The following LDLRAD3 variants were observed in gnomAD, a reference collection of about 807,000 sequenced individuals.
The protein encoded by LDLRAD3 is low density lipoprotein receptor class A domain containing 3, also known as low-density lipoprotein receptor class A domain-containing protein 3.
Under a neutral mutation model 29.4 loss-of-function variants are expected in LDLRAD3, and 20 were observed. That is an observed-to-expected ratio of 0.68 (90% CI 0.48 to 0.99). The LOEUF is 0.99. LDLRAD3 is among the 50% of genes least tolerant of loss of function. LDLRAD3 has a pLI of 0.00. For synonymous variants in LDLRAD3, 157 were observed against 192.7 expected, an observed-to-expected ratio of 0.81 and a Z score of 1.53; for missense variants, 420 against 454.3, an observed-to-expected ratio of 0.92 and a Z score of 0.69.
intron 1 of LDLRAD3, among the ~76,000 whole-genome samples, chr11:35,998,257 T>A (rs1851779903): frequency 6.6e-6 from 1 of 152,246 alleles, no homozygotes; most frequent in Non-Finnish European, 1.5e-5. Context: ...TTTTTTGTTC[T>A]TGTTGTCTGT....
chr11:35,995,499 C>T (rs1851743017), intron 1 of LDLRAD3, among the ~76,000 whole-genome samples: 1 of 152,280 alleles, frequency 6.6e-6, no homozygotes, highest in South Asian at 2.1e-4. Flanking sequence ...TTAAAGGCTC[C>T]AGGATTTTCA....
intron 1 of LDLRAD3, among the ~76,000 whole-genome samples, chr11:35,998,349 C>T (rs1885669): frequency 0.53 from 80,583 of 151,976 alleles, 24,645 homozygotes; most frequent in African/African-American, 0.85. Flanking sequence ...TCCTAGTGGC[C>T]AATGAACATT....
intron 1 of LDLRAD3, among the ~76,000 whole-genome samples, chr11:36,032,445 T>TA (rs1475391665): frequency 6.6e-5 from 10 of 152,186 alleles, no homozygotes; most frequent in Non-Finnish European, 1.0e-4. Context: ...CAGTGCATTT[T>TA]AAAATCTCAC....
chr11:36,027,258 A>G (rs897161045), intron 1 of LDLRAD3, among the ~76,000 whole-genome samples: 3 of 152,184 alleles, frequency 2.0e-5, no homozygotes, highest in African/African-American at 7.2e-5. Context: ...GAGATTGAGT[A>G]TATATTAAGT....
chr11:35,973,068 A>G (rs996235903), intron 1 of LDLRAD3, among the ~76,000 whole-genome samples: 1 of 151,478 alleles, frequency 6.6e-6, no homozygotes, highest in Non-Finnish European at 1.5e-5. Flanking sequence ...AAAAAAAAAA[A>G]AAAAAGGGAG....
chr11:36,043,237 G>A (rs1410494385), intron 2 of LDLRAD3, among the ~76,000 whole-genome samples: 1 of 152,198 alleles, frequency 6.6e-6, no homozygotes, highest in Non-Finnish European at 1.5e-5. Context: ...ACTTGAACCT[G>A]GGAGGTGGAG....
intron 2 of LDLRAD3, among the ~76,000 whole-genome samples, chr11:36,038,168 G>T (rs1254738991): frequency 1.3e-5 from 2 of 152,156 alleles, no homozygotes; most frequent in African/African-American, 4.8e-5. Flanking sequence ...AACGTGCTGG[G>T]ATTACAGATT....
At chr11:36,215,717 G>A (rs557834675) in intron 4 of LDLRAD3, among the ~76,000 whole-genome samples, 2 of 152,250 alleles carry the variant, frequency 1.3e-5, no homozygotes, top group East Asian at 3.9e-4. Flanking sequence ...CCATGAATTT[G>A]TTCATGGTGG....
intron 4 of LDLRAD3, among the ~76,000 whole-genome samples, chr11:36,134,673 C>T (rs1853978202): frequency 2.0e-5 from 3 of 152,204 alleles, no homozygotes; most frequent in Admixed American, 2.0e-4. Flanking sequence ...TAGCTGCAGC[C>T]ACATTGGGCA....
At chr11:36,153,426 G>C (rs1317919472) in intron 4 of LDLRAD3, among the ~76,000 whole-genome samples, 1 of 152,250 alleles carries the variant, frequency 6.6e-6, no homozygotes, top group East Asian at 1.9e-4. Flanking sequence ...TGCTGTGGGA[G>C]AGAACTTTTA....
At chr11:35,966,472 T>C (rs1851343393) in intron 1 of LDLRAD3, among the ~76,000 whole-genome samples, 1 of 152,156 alleles carries the variant, frequency 6.6e-6, no homozygotes, top group Non-Finnish European at 1.5e-5. Flanking sequence ...TAAAAATGTG[T>C]ACATAAAAAG....
rs1484583968 is a variant in LDLRAD3, at chr11:36,144,970, G to A, written c.454+46509G>A. 4.3e-5 allele frequency among the ~76,000 whole-genome samples: 5 copies of A among 114,968 alleles called. 1 individual carries two copies. Among genetic ancestry groups the A allele is most frequent in the Admixed American group, 7.8e-5 (1 of 12,750 alleles). The allele number at this position is 114,968 out of a possible 152,430, so 75.4% of individuals were successfully genotyped here. A position where few individuals can be genotyped will look rare whatever the true frequency, so the allele number is the denominator to read the frequency against. ...TCTGCCCGGCCAGCCGCCCCGTCCC[G>A]GAAGGAGGTGGGGGGGTCAGCCCCC... On this transcript the variant is annotated intron_variant, in intron 4 of 5. Coordinates refer to ENST00000315571, the MANE Select transcript of LDLRAD3 (RefSeq NM_174902.4).
intron 1 of LDLRAD3, among the ~76,000 whole-genome samples, chr11:35,977,297 C>T (rs1851488357): frequency 6.6e-6 from 1 of 152,188 alleles, no homozygotes; most frequent in Non-Finnish European, 1.5e-5. Context: ...AAGGATCCTT[C>T]CTGGAAGTCA....
rs1852745485 is a variant in LDLRAD3 at position 36,063,867 on chromosome 11, CT to C, written c.194-17781del. Among the ~76,000 whole-genome samples the C allele has an allele frequency of 2.0e-5, 3 of 152,142 alleles. No homozygotes were observed. The South Asian group carries it at 6.2e-4, about 32-fold the overall frequency. ...CTGTTAGTCCTCTAATTTTGTTCTT[CT>C]TTTTCAATATGGTTTTGGCTATTCA... On this transcript the variant is annotated intron_variant, in intron 2 of 5. Transcript: ENST00000315571.
At chr11:35,986,404 G>A (rs1221646188) in intron 1 of LDLRAD3, among the ~76,000 whole-genome samples, 4 of 152,226 alleles carry the variant, frequency 2.6e-5, no homozygotes, top group African/African-American at 4.8e-5. Context: ...AAGAATTAAT[G>A]TGGTTTTATC....
chr11:36,097,663 A>C (rs1198530774), intron 3 of LDLRAD3, among the ~76,000 whole-genome samples: 39 of 152,188 alleles, frequency 2.6e-4, no homozygotes, highest in Non-Finnish European at 1.5e-4. Context: ...GTTAAAAGAT[A>C]CAAACATAGA....
chr11:35,992,001 G>A lies in LDLRAD3; in HGVS notation c.47-44102G>A, dbSNP rs574332463. On this transcript the variant is annotated intron_variant, in intron 1 of 5. Transcript: ENST00000315571. ...CTGATGATGCAGGAATTTACATCTT[G>A]GAATGGGAGTTGGTTTAAACAAGGA... Among the ~76,000 whole-genome samples, 5 of 151,972 alleles carry A rather than the reference G, an allele frequency of 3.3e-5. No individual in the cohort carries two copies. In the South Asian group the frequency reaches 1.0e-3, roughly 32 times the overall value.
chr11:36,082,413 G>T (rs1323026950), intron 3 of LDLRAD3, among the ~76,000 whole-genome samples: 1 of 152,188 alleles, frequency 6.6e-6, no homozygotes, highest in Non-Finnish European at 1.5e-5. Context: ...GGAGGATGAG[G>T]TGGGAGGATG....
intron 1 of LDLRAD3, among the ~76,000 whole-genome samples, chr11:36,013,269 T>C: frequency 6.6e-6 from 1 of 152,210 alleles, no homozygotes; most frequent in East Asian, 1.9e-4. Context: ...AAAGGGACTT[T>C]GAAGGAATGA....
Sources: gnomAD v4.1 joint callset for allele counts (sites outside exome capture counted in the v4.1 genomes callset) on GRCh38, gnomAD v4.1.1 for gene constraint, MANE v1.5 for transcripts, NCBI Gene and HGNC (gene_info 2026-07-23, HGNC 2026-07-21) for gene names.